The following MAP3K13 variants were observed in gnomAD, a reference collection of about 807,000 sequenced individuals.
The protein encoded by MAP3K13 is mitogen-activated protein kinase kinase kinase 13.
MAP3K13 carries 52 observed loss-of-function variants against 104.0 expected under a neutral mutation model. The ratio of observed to expected loss-of-function variants is 0.50; its 90% CI spans 0.40 to 0.63. The LOEUF is 0.63. MAP3K13 is among the 20% of genes least tolerant of loss of function. The pLI, the probability that MAP3K13 is intolerant of heterozygous loss-of-function variation, is 0.00. For synonymous variants in MAP3K13, 394 were observed against 442.2 expected, an observed-to-expected ratio of 0.89 and a Z score of 1.37; for missense variants, 914 against 1,218.5, an observed-to-expected ratio of 0.75 and a Z score of 3.72.
intron 1 of MAP3K13, among the ~76,000 whole-genome samples, chr3:185,366,124 G>A (rs549836690): frequency 6.6e-6 from 1 of 151,192 alleles, no homozygotes; most frequent in Admixed American, 6.6e-5. Context: ...CCCAGCCCTA[G>A]ACAACCGCCA....
At chr3:185,477,286 C>A in intron 11 of MAP3K13, 40 bp from the exon 12 acceptor site, 1 of 1,276,152 alleles carries the variant, frequency 7.8e-7, no homozygotes, top group Non-Finnish European at 1.1e-6. Context: ...GACAGAGTGA[C>A]ACTAAAATAA....
chr3:185,456,569 A>G (rs1384667887), intron 7 of MAP3K13, among the ~76,000 whole-genome samples: 1 of 146,486 alleles, frequency 6.8e-6, no homozygotes. Context: ...ACTTTAAGAT[A>G]TGGTTGCAAT....
At chr3:185,380,278 C>T (rs1448430739) in intron 1 of MAP3K13, among the ~76,000 whole-genome samples, 1 of 149,686 alleles carries the variant, frequency 6.7e-6, no homozygotes, top group South Asian at 2.1e-4. Flanking sequence ...TTTGGGAAGC[C>T]AAGGCAGGAG....
At chr3:185,465,145 T>G (rs1489987361) in intron 8 of MAP3K13, among the ~76,000 whole-genome samples, 1 of 152,134 alleles carries the variant, frequency 6.6e-6, no homozygotes, top group African/African-American at 2.4e-5. Flanking sequence ...GCCGGGCTAA[T>G]TTTTGTATTT....
chr3:185,305,813 G>C (rs1331781386), intron 2 of MAP3K13, among the ~76,000 whole-genome samples: 1 of 152,086 alleles, frequency 6.6e-6, no homozygotes, highest in Non-Finnish European at 1.5e-5. Context: ...ATATGTGCAG[G>C]TTTGTTACAT....
intron 2 of MAP3K13, among the ~76,000 whole-genome samples, chr3:185,314,255 A>AG (rs1164281630): frequency 6.6e-6 from 1 of 152,232 alleles, no homozygotes; most frequent in Non-Finnish European, 1.5e-5. Flanking sequence ...GGTAAAAAAA[A>AG]ATTGATTATA....
At chr3:185,324,508 C>G (rs1348496719) in intron 2 of MAP3K13, among the ~76,000 whole-genome samples, 6 of 152,142 alleles carry the variant, frequency 3.9e-5, no homozygotes, top group African/African-American at 9.6e-5. Context: ...CTAGACTTTA[C>G]ATTCTATGTT....
intron 11 of MAP3K13, among the ~76,000 whole-genome samples, chr3:185,475,050 C>T (rs1051572508): frequency 6.7e-6 from 1 of 149,734 alleles, no homozygotes; most frequent in African/African-American, 2.5e-5. Context: ...GCCGAGATCC[C>T]GCCACTGCAC....
Position 185,473,242 on chromosome 3 carries a change from G to T in MAP3K13, c.1911G>T (p.Leu637=), listed in dbSNP as rs556465990. 3.1e-6 allele frequency: 5 copies of T among 1,614,134 alleles called. No homozygotes were observed. The South Asian group carries it at 5.5e-5, about 18-fold the overall frequency. Reference sequence around the variant, plus strand: ...CTTCTCTTCATCACCATAATTCTCTGCAGCAGCAATACCAGCAGCCCCCTC... The same window carrying T: ...CTTCTCTTCATCACCATAATTCTCTTCAGCAGCAATACCAGCAGCCCCCTC... The part of the protein sequence containing the change: ...QYPSLHHHNS[L]QQQYQQPPPA... Residue 637 remains leucine, a synonymous_variant, in exon 11 of 14, where the codon CTG becomes CTT. Coordinates refer to ENST00000265026, the MANE Select transcript of MAP3K13 (RefSeq NM_004721.5). The surrounding 1 kb of genome is among the most constrained non-coding windows in gnomAD (Gnocchi z 4.9).
intron 1 of MAP3K13, among the ~76,000 whole-genome samples, chr3:185,384,337 T>TGA (rs1553797011): frequency 2.7e-5 from 4 of 150,490 alleles, no homozygotes; most frequent in Admixed American, 2.0e-4. Context: ...TGTGTGTGTG[T>TGA]GAGACACATT....
chr3:185,405,586 C>G (rs1430859908), intron 1 of MAP3K13, among the ~76,000 whole-genome samples: 1 of 152,226 alleles, frequency 6.6e-6, no homozygotes, highest in Non-Finnish European at 1.5e-5. Flanking sequence ...ATGTCTTCTT[C>G]CAGACAGCAG....
At chr3:185,298,341 AAAAC>A (rs1003491229) in intron 2 of MAP3K13, among the ~76,000 whole-genome samples, 1 of 152,208 alleles carries the variant, frequency 6.6e-6, no homozygotes, top group Non-Finnish European at 1.5e-5. Flanking sequence ...ATGTTTTAAA[AAAAC>A]CATTTATGTT....
At chr3:185,394,125 T>C (rs1195010348) in intron 1 of MAP3K13, among the ~76,000 whole-genome samples, 1 of 152,060 alleles carries the variant, frequency 6.6e-6, no homozygotes. Flanking sequence ...TGAAGAAATA[T>C]AGGGTTGAGA....
intron 1 of MAP3K13, among the ~76,000 whole-genome samples, chr3:185,367,209 G>A (rs934437394): frequency 2.0e-5 from 3 of 152,066 alleles, no homozygotes; most frequent in Non-Finnish European, 4.4e-5. Context: ...AATTGTCTTG[G>A]CACCCTACCA....
chr3:185,480,256 C>A lies in MAP3K13; in HGVS notation c.2526C>A (p.Cys842Ter), dbSNP rs1560137212. The change falls in exon 13 of 14, where the codon TGC becomes TGA. Residue 842 changes from cysteine (C) to a stop codon, truncating the protein, a stop_gained. Transcript: ENST00000265026. LOFTEE classifies it high-confidence loss of function. ...RQRPHRCISS[C>*]QSYSTFSSEN... ...GGCCCCATCGCTGTATCAGCAGCTG[C>A]CAGTCATATTCAACCTTTAGCTCTG... 1 of 1,614,076 alleles carries A rather than the reference C, an allele frequency of 6.2e-7. No individual in the cohort carries two copies. Among genetic ancestry groups the A allele is most frequent in the Non-Finnish European group, 8.5e-7 (1 of 1,179,986 alleles).
intron 2 of MAP3K13, among the ~76,000 whole-genome samples, chr3:185,342,118 G>C (rs1411175422): frequency 6.6e-6 from 1 of 152,114 alleles, no homozygotes; most frequent in African/African-American, 2.4e-5. Context: ...GAACAATTTT[G>C]GAAGTAGTTC....
intron 1 of MAP3K13, among the ~76,000 whole-genome samples, chr3:185,407,325 C>G (rs1713169071): frequency 6.6e-6 from 1 of 152,154 alleles, no homozygotes; most frequent in African/African-American, 2.4e-5. Flanking sequence ...ACTCTTACCT[C>G]ATTTTGCTGT....
intron 1 of MAP3K13, among the ~76,000 whole-genome samples, chr3:185,378,547 T>G (rs1233922690): frequency 6.6e-6 from 1 of 151,896 alleles, no homozygotes. Flanking sequence ...AGAAGGATTA[T>G]AGGGTCGGGG....
intron 1 of MAP3K13, among the ~76,000 whole-genome samples, chr3:185,384,753 T>C (rs13080069): frequency 0.29 from 44,667 of 152,100 alleles, 6,651 homozygotes; most frequent in African/African-American, 0.32. Context: ...AGTCTTCTTT[T>C]GAGAAATGTC....
Sources: gnomAD v4.1 joint callset for allele counts (sites outside exome capture counted in the v4.1 genomes callset) on GRCh38, gnomAD v4.1.1 for gene constraint, Gnocchi (gnomAD v3.1) non-coding constraint, MANE v1.5 for transcripts, NCBI Gene and HGNC (gene_info 2026-07-23, HGNC 2026-07-21) for gene names.